SUN5: variants seen among roughly 807,000 people sequenced by gnomAD.
SUN5 encodes SUN domain-containing protein 5.
Under a neutral mutation model 53.7 loss-of-function variants are expected in SUN5, and 44 were observed. That is an observed-to-expected ratio of 0.82 (90% CI 0.64 to 1.05). The LOEUF (loss-of-function observed/expected upper bound fraction) is 1.05, where lower values mean the gene tolerates loss of function less well. Ranked by LOEUF, SUN5 falls within the 50% of genes least tolerant of loss-of-function variation. SUN5 has a pLI of 0.00. For missense variants in SUN5, 433 were observed against 483.8 expected (o/e 0.90, Z 0.98); for synonymous variants, 166 against 179.8 (o/e 0.92, Z 0.62).
chr20:32,991,097 TC>T (rs1026161739), intron 8 of SUN5, among the ~76,000 whole-genome samples: 2 of 152,174 alleles, frequency 1.3e-5, no homozygotes, highest in African/African-American at 4.8e-5. Context: ...CTATTACTTT[TC>T]AAAACTGGGT....
rs763204539 is a variant in SUN5 at position 33,001,204 on chromosome 20, C to T, written c.278+8G>A. 2.6e-6 allele frequency: 4 copies of T among 1,567,894 alleles called. No individual in the cohort carries two copies. Among genetic ancestry groups the T allele is most frequent in the Middle Eastern group, 1.7e-4 (1 of 6,018 alleles). On this transcript the variant is annotated splice_region_variant and intron_variant, in intron 4 of 12. Transcript: ENST00000356173. ...CCCATCCACCCTCCCCCTGCCTTCC[C>T]TGCTCACCTGCACGTGTTAAACAGA...
chr20:32,994,791 C>CAGGAGGCCA (rs11472969), intron 8 of SUN5, among the ~76,000 whole-genome samples: 2 of 151,320 alleles, frequency 1.3e-5, no homozygotes, highest in African/African-American at 4.9e-5. Flanking sequence ...CCCAGCTACT[C>CAGGAGGCCA]AGGTGTAGGA....
At chr20:32,998,026 G>T (rs1228905682) in intron 5 of SUN5, among the ~76,000 whole-genome samples, 2 of 151,980 alleles carry the variant, frequency 1.3e-5, no homozygotes, top group African/African-American at 2.4e-5. Flanking sequence ...TGGCTGAAAA[G>T]CCACCATTCA....
intron 9 of SUN5, among the ~76,000 whole-genome samples, chr20:32,988,885 A>ATGGGCTTGGT (rs1989622530): frequency 6.7e-6 from 1 of 150,016 alleles, no homozygotes; most frequent in Non-Finnish European, 1.5e-5. Context: ...CACCAAGCCC[A>ATGGGCTTGGT]GCCCTGAAGC....
In SUN5 at chr20:32,994,846, C is replaced by T. The variant is rs894225711; in HGVS notation, c.534+773G>A. On this transcript the variant is annotated intron_variant, in intron 8 of 12. Transcript: ENST00000356173. ...CAGAGGTTGCAGTGAGCTGCCTGGGCGACAGAGGGAGACTCCATTAAAAAA... is the reference window on the plus strand; with the variant it reads ...CAGAGGTTGCAGTGAGCTGCCTGGGTGACAGAGGGAGACTCCATTAAAAAA... 5.3e-5 allele frequency among the ~76,000 whole-genome samples: 8 copies of T among 150,422 alleles called. No homozygotes were observed. In the South Asian group the frequency reaches 8.6e-4, roughly 16 times the overall value.
intron 5 of SUN5, among the ~76,000 whole-genome samples, chr20:32,998,175 CAA>C (rs35729664): frequency 3.6e-3 from 216 of 59,728 alleles, no homozygotes; most frequent in African/African-American, 0.012. Context: ...CCCATCTCTA[CAA>C]AAAAAAAAAA....
In SUN5 at chr20:32,985,174, G is replaced by A; in HGVS notation, c.909C>T (p.Gly303=). The A allele has an allele frequency of 6.2e-7, 1 of 1,613,928 alleles. No individual in the cohort carries two copies. The highest frequency in any genetic ancestry group is 8.5e-7 in the Non-Finnish European group (1 of 1,179,922). The change falls in exon 12 of 13, where the codon GGC becomes GGT. Residue 303 remains glycine, a synonymous_variant. Transcript: ENST00000356173. ...CCAGGAACACCTCCTCCTTGGGGGAGCCCTCCATGCCCTGTGGAACCAGAA... is the reference window on the plus strand; with the variant it reads ...CCAGGAACACCTCCTCCTTGGGGGAACCCTCCATGCCCTGTGGAACCAGAA... ...PKDFVIYGME[G]SPKEEVFLGA...
intron 5 of SUN5, among the ~76,000 whole-genome samples, chr20:32,999,692 C>T (rs575530953): frequency 6.6e-6 from 1 of 152,262 alleles, no homozygotes; most frequent in South Asian, 2.1e-4. Context: ...GGAGCTGATT[C>T]TCCCTCCCTA....
intron 3 of SUN5, among the ~76,000 whole-genome samples, chr20:33,002,114 A>T (rs145359814): frequency 6.2e-4 from 94 of 152,276 alleles, no homozygotes; most frequent in Middle Eastern, 3.4e-3. Context: ...ATTGACAGGA[A>T]GGTGAGAGGA....
At chr20:32,988,954 C>A (rs748126790) in intron 9 of SUN5, among the ~76,000 whole-genome samples, 1 of 151,274 alleles carries the variant, frequency 6.6e-6, no homozygotes, top group Admixed American at 6.6e-5. Context: ...GAGAAGCAGT[C>A]TCTCTCTGTC....
At chr20:33,001,011 C>T (rs1215916650) in intron 4 of SUN5, among the ~76,000 whole-genome samples, 1 of 152,052 alleles carries the variant, frequency 6.6e-6, no homozygotes, top group Non-Finnish European at 1.5e-5. Context: ...GACAGGATTC[C>T]AGGACACTGC....
intron 1 of SUN5, among the ~76,000 whole-genome samples, chr20:33,003,760 G>A (rs1440093919): frequency 6.6e-6 from 1 of 152,132 alleles, no homozygotes; most frequent in Non-Finnish European, 1.5e-5. Flanking sequence ...AAAAGAGGAT[G>A]AAAGACATAC....
intron 10 of SUN5, 58 bp downstream of exon 10, chr20:32,987,602 C>G (rs999805574): frequency 1.4e-6 from 2 of 1,471,504 alleles, no homozygotes; most frequent in Non-Finnish European, 1.8e-6. Context: ...GCTCCTGTCC[C>G]CAAACCCTGC....
intron 12 of SUN5, 86 bp downstream of exon 12, chr20:32,985,013 C>T (rs534561724): frequency 2.2e-4 from 312 of 1,388,506 alleles, no homozygotes; most frequent in Non-Finnish European, 1.2e-4. Context: ...CCTGGGGATA[C>T]TGGGGGATGA....
At chr20:32,999,382 C>G (rs1006993844) in intron 5 of SUN5, among the ~76,000 whole-genome samples, 7 of 152,144 alleles carry the variant, frequency 4.6e-5, no homozygotes, top group Non-Finnish European at 7.4e-5. Flanking sequence ...ATCATGAGGT[C>G]AGGAGTTCAA....
chr20:32,997,170 G>A (rs1989876207), intron 6 of SUN5, among the ~76,000 whole-genome samples: 1 of 152,208 alleles, frequency 6.6e-6, no homozygotes, highest in African/African-American at 2.4e-5. Flanking sequence ...GGGAGGGACA[G>A]GCCTTTCAGA....
rs930912507 is a variant in SUN5 at position 32,996,204 on chromosome 20, A to G, written c.425+120T>C. On this transcript the variant is annotated intron_variant, in intron 7 of 12. Transcript: ENST00000356173. ...CAGCCATGTAGAAGGCATGGGAGTT[A>G]GGATTTAAACCCAGGTTGATCTGAC... The G allele has an allele frequency of 8.2e-6, 8 of 971,532 alleles. No individual in the cohort carries two copies. The African/African-American group carries it at 1.1e-4, about 14-fold the overall frequency. 60.2% of individuals were successfully genotyped at this position (971,532 alleles called of 1,614,324 possible). A position where few individuals can be genotyped will look rare whatever the true frequency, so the allele number is the denominator to read the frequency against.
intron 8 of SUN5, among the ~76,000 whole-genome samples, chr20:32,994,328 C>T (rs1989783528): frequency 6.6e-6 from 1 of 152,092 alleles, no homozygotes; most frequent in Non-Finnish European, 1.5e-5. Flanking sequence ...CTTTTGTATA[C>T]AATGTTGAGA....
intron 5 of SUN5, among the ~76,000 whole-genome samples, chr20:32,999,131 T>C (rs887379281): frequency 1.3e-5 from 2 of 152,234 alleles, no homozygotes; most frequent in African/African-American, 2.4e-5. Flanking sequence ...ATTAGAATTC[T>C]AAGGGATCCA....
Sources: allele counts gnomAD v4.1 joint callset (sites outside exome capture counted in the v4.1 genomes callset), GRCh38; gene constraint gnomAD v4.1.1; transcripts MANE v1.5; gene names NCBI Gene and HGNC (gene_info 2026-07-23, HGNC 2026-07-21).